PDS5B: variants seen among roughly 807,000 people sequenced by gnomAD.
PDS5B encodes sister chromatid cohesion protein PDS5 homolog B.
A neutral mutation model predicts 184.1 loss-of-function variants in PDS5B; 51 were observed. The ratio of observed to expected loss-of-function variants is 0.28; its 90% CI spans 0.22 to 0.35. The LOEUF (loss-of-function observed/expected upper bound fraction) is 0.35. Ranked by LOEUF, PDS5B falls within the 10% of genes least tolerant of loss-of-function variation. The probability of loss-of-function intolerance (pLI) is 1.00; values close to 1 mark genes in which losing one functional copy is unlikely to be tolerated. For missense variants in PDS5B, 1,180 were observed against 1,723.3 expected (o/e 0.68, Z 5.58); for synonymous variants, 566 against 569.2 (o/e 0.99, Z 0.08).
At chr13:32,666,522 A>G (rs773361440) in intron 6 of PDS5B, among the ~76,000 whole-genome samples, 3 of 152,152 alleles carry the variant, frequency 2.0e-5, no homozygotes, top group Non-Finnish European at 4.4e-5. Flanking sequence ...AGGTACCTTG[A>G]TTCGACTATC....
intron 19 of PDS5B, among the ~76,000 whole-genome samples, chr13:32,712,904 A>G (rs528862521): frequency 2.0e-5 from 3 of 152,338 alleles, no homozygotes; most frequent in Admixed American, 2.0e-4. Context: ...GAACAGAAGA[A>G]AATTATACGC....
At chr13:32,665,652 A>G (rs1281105138) in intron 6 of PDS5B, among the ~76,000 whole-genome samples, 1 of 150,420 alleles carries the variant, frequency 6.6e-6, no homozygotes, top group Non-Finnish European at 1.5e-5. Flanking sequence ...ATAGGAATGA[A>G]TTTCTTAAGA....
intron 19 of PDS5B, among the ~76,000 whole-genome samples, chr13:32,729,733 T>C (rs917235760): frequency 6.6e-6 from 1 of 152,212 alleles, no homozygotes; most frequent in African/African-American, 2.4e-5. Flanking sequence ...TTGTTGGCCA[T>C]ATAAATGTCT....
At chr13:32,768,470 G>A (rs1036513165) in intron 31 of PDS5B, among the ~76,000 whole-genome samples, 4 of 151,954 alleles carry the variant, frequency 2.6e-5, no homozygotes, top group Admixed American at 1.3e-4. Context: ...CTTTGGTGGT[G>A]GGGGCCACAA....
chr13:32,587,695 C>A (rs757353030), intron 1 of PDS5B, among the ~76,000 whole-genome samples: 3 of 152,234 alleles, frequency 2.0e-5, no homozygotes, highest in Non-Finnish European at 4.4e-5. Flanking sequence ...CCACTCCACG[C>A]GCGTCTTCAA....
chr13:32,619,889 C>T (rs1419284015), intron 1 of PDS5B, among the ~76,000 whole-genome samples: 1 of 152,116 alleles, frequency 6.6e-6, no homozygotes, highest in Non-Finnish European at 1.5e-5. Flanking sequence ...ACCTTTGCCT[C>T]CTGGGTTCAA....
In PDS5B at chr13:32,648,790, T is replaced by C. The variant is rs757109516; in HGVS notation, c.18T>C (p.Thr6=). 3.3e-6 allele frequency: 5 copies of C among 1,522,732 alleles called. No individual in the cohort carries two copies. Among genetic ancestry groups the C allele is most frequent in the Admixed American group, 1.7e-5 (1 of 59,874 alleles). 94.3% of individuals were successfully genotyped at this position (1,522,732 alleles called of 1,614,324 possible). A position where few individuals can be genotyped will look rare whatever the true frequency, so the allele number is the denominator to read the frequency against. Residue 6 remains threonine (T), a synonymous_variant, in exon 2 of 35, where the codon ACT becomes ACC. Coordinates refer to ENST00000315596, the MANE Select transcript of PDS5B (RefSeq NM_015032.4). MAHSK[T]RTNDGKITYP... is the part of the protein sequence containing the mutation. ...TTTCTGTCATGGCTCATTCAAAGAC[T>C]AGGACCAATGATGGAAAAATTACAT... is the stretch of plus-strand genomic sequence containing the variant.
At chr13:32,771,295 A>G (rs921763990) in intron 33 of PDS5B, among the ~76,000 whole-genome samples, 1 of 152,152 alleles carries the variant, frequency 6.6e-6, no homozygotes, top group Admixed American at 6.5e-5. Flanking sequence ...TCATTTATCT[A>G]CATCAACATG....
At chr13:32,727,189 C>G (rs1363425208) in intron 19 of PDS5B, among the ~76,000 whole-genome samples, 1 of 152,086 alleles carries the variant, frequency 6.6e-6, no homozygotes, top group Admixed American at 6.6e-5. Flanking sequence ...ATTGGTTTAT[C>G]TACATCCAAT....
chr13:32,712,604 A>T (rs1413615447), intron 19 of PDS5B, among the ~76,000 whole-genome samples: 1 of 152,230 alleles, frequency 6.6e-6, no homozygotes, highest in Non-Finnish European at 1.5e-5. Flanking sequence ...TTGGCACCAG[A>T]TGTGCCCTTA....
chr13:32,747,427 A>T (rs1019492983), intron 24 of PDS5B, among the ~76,000 whole-genome samples: 1 of 152,094 alleles, frequency 6.6e-6, no homozygotes, highest in African/African-American at 2.4e-5. Flanking sequence ...TTGTCAAATG[A>T]TTTGTCAAGA....
rs751527417 is a variant in PDS5B, at chr13:32,675,979, C to A, written c.962+20C>A. 15 of 1,420,542 alleles carry A rather than the reference C, an allele frequency of 1.1e-5. No homozygotes were observed. Among genetic ancestry groups the A allele is most frequent in the Non-Finnish European group, 1.0e-6 (1 of 1,004,316 alleles). The allele number at this position is 1,420,542 out of a possible 1,614,324, so 88.0% of individuals were successfully genotyped here. A position where few individuals can be genotyped will look rare whatever the true frequency, so the allele number is the denominator to read the frequency against. On this transcript the variant is annotated intron_variant, in intron 9 of 34. Transcript: ENST00000315596. Reference sequence around the variant, plus strand: ...GGGCAGGTATATGATTTTGGTTTCCCATTTAAAAGTAATACATTATTCTAC... The same window carrying A: ...GGGCAGGTATATGATTTTGGTTTCCAATTTAAAAGTAATACATTATTCTAC...
In PDS5B at chr13:32,673,106, C is replaced by T. The variant is rs1025143897; in HGVS notation, c.706-110C>T. 4.4e-6 allele frequency: 4 copies of T among 900,974 alleles called. No individual in the cohort carries two copies. The Admixed American group carries it at 8.6e-5, about 19-fold the overall frequency. The allele number at this position is 900,974 out of a possible 1,614,324, so 55.8% of individuals were successfully genotyped here. The stretch of plus-strand genomic sequence containing the variant: ...AATGTTAGAAAATATTTTGATATGC[C>T]TAGTTTGACTTTGTATAAAATAATG... On this transcript the variant is annotated intron_variant, in intron 7 of 34. Coordinates refer to ENST00000315596, the MANE Select transcript of PDS5B (RefSeq NM_015032.4).
At chr13:32,692,081 G>A (rs1436834152) in intron 13 of PDS5B, among the ~76,000 whole-genome samples, 2 of 151,998 alleles carry the variant, frequency 1.3e-5, no homozygotes, top group Non-Finnish European at 2.9e-5. Flanking sequence ...ATTTGAAAGG[G>A]ACTTAAAAAT....
intron 33 of PDS5B, among the ~76,000 whole-genome samples, chr13:32,771,537 T>G (rs961825926): frequency 2.6e-5 from 4 of 152,044 alleles, no homozygotes; most frequent in African/African-American, 9.7e-5. Flanking sequence ...ATGGCTCGAC[T>G]TTTCAGAGTT....
At chr13:32,736,924 T>C (rs1953350913) in intron 21 of PDS5B, among the ~76,000 whole-genome samples, 1 of 152,182 alleles carries the variant, frequency 6.6e-6, no homozygotes, top group Non-Finnish European at 1.5e-5. Context: ...TAATTTCACA[T>C]ATATACACAT....
intron 30 of PDS5B, among the ~76,000 whole-genome samples, chr13:32,762,672 T>TC (rs1954448982): frequency 1.3e-5 from 2 of 152,106 alleles, no homozygotes; most frequent in Non-Finnish European, 2.9e-5. Context: ...GTTTGACTCT[T>TC]CCCCCCTCTA....
At chr13:32,732,770 G>A (rs549343907) in intron 20 of PDS5B, among the ~76,000 whole-genome samples, 19 of 152,038 alleles carry the variant, frequency 1.2e-4, no homozygotes, top group African/African-American at 4.3e-4. Context: ...GCTGCCTATT[G>A]TAATTAGAAC....
chr13:32,684,839 T>C (rs12428598), intron 11 of PDS5B, among the ~76,000 whole-genome samples: 55,648 of 152,116 alleles, frequency 0.37, 10,751 homozygotes, highest in Non-Finnish European at 0.43. Flanking sequence ...GTAGGCCAGG[T>C]GCAGTAGCTC....
Sources: allele counts gnomAD v4.1 joint callset (sites outside exome capture counted in the v4.1 genomes callset), GRCh38; gene constraint gnomAD v4.1.1; transcripts MANE v1.5; gene names NCBI Gene and HGNC (gene_info 2026-07-23, HGNC 2026-07-21).